The following ANGPT1 variants were observed in gnomAD, a reference collection of about 807,000 sequenced individuals.
ANGPT1 encodes angiopoietin 1.
In ANGPT1, 17 loss-of-function variants were observed where a neutral mutation model predicts 62.2. The ratio of observed to expected loss-of-function variants is 0.27; its 90% CI spans 0.19 to 0.41. The LOEUF (loss-of-function observed/expected upper bound fraction) is 0.41, where lower values mean the gene tolerates loss of function less well. ANGPT1 is among the 10% of genes least tolerant of loss of function. The pLI, the probability that ANGPT1 is intolerant of heterozygous loss-of-function variation, is 1.00. For missense variants in ANGPT1, 478 were observed against 594.9 expected (o/e 0.80, Z 2.04); for synonymous variants, 199 against 198.9 (o/e 1.00, Z 0.00).
chr8:107,495,735 C>A (rs1813075383), intron 1 of ANGPT1, among the ~76,000 whole-genome samples: 1 of 152,040 alleles, frequency 6.6e-6, no homozygotes. Flanking sequence ...CATTTGTTTA[C>A]AATGGAAATA....
intron 1 of ANGPT1, among the ~76,000 whole-genome samples, chr8:107,354,484 G>A (rs1380792890): frequency 6.6e-5 from 10 of 152,072 alleles, no homozygotes; most frequent in Non-Finnish European, 1.3e-4. Context: ...GACTCATGAA[G>A]CTCTCAAACT....
chr8:107,450,023 T>A (rs1361382914), intron 1 of ANGPT1, among the ~76,000 whole-genome samples: 1 of 152,034 alleles, frequency 6.6e-6, no homozygotes, highest in East Asian at 1.9e-4. Flanking sequence ...ACTGTTTGAA[T>A]CTTTAAAATA....
intron 7 of ANGPT1, among the ~76,000 whole-genome samples, chr8:107,275,312 C>A (rs1219440888): frequency 6.6e-6 from 1 of 152,084 alleles, no homozygotes; most frequent in Admixed American, 6.6e-5. Context: ...CTCATTATTA[C>A]CCCCTTACGC....
intron 1 of ANGPT1, among the ~76,000 whole-genome samples, chr8:107,475,135 T>A (rs191147925): frequency 6.6e-6 from 1 of 152,326 alleles, no homozygotes; most frequent in Admixed American, 6.5e-5. Flanking sequence ...AAGACAATCC[T>A]AAGCCAAAAG....
intron 1 of ANGPT1, among the ~76,000 whole-genome samples, chr8:107,452,490 ATTTTTTTATTTTTAT>A (rs1167373610): frequency 6.6e-6 from 1 of 150,666 alleles, no homozygotes; most frequent in African/African-American, 2.4e-5. Context: ...CTTTATTTTT[ATTTTTTTATTTTTAT>A]TTTTTTTGAA....
chr8:107,354,916 C>CT (rs780289972), intron 1 of ANGPT1, among the ~76,000 whole-genome samples: 3,733 of 135,864 alleles, frequency 0.027, 97 homozygotes, highest in African/African-American at 0.064. Flanking sequence ...GATGGTGTTG[C>CT]TTTTTTTTTT....
intron 8 of ANGPT1, among the ~76,000 whole-genome samples, chr8:107,257,876 G>GTTTTTTGTT (rs1371396961): frequency 7.0e-5 from 6 of 85,288 alleles, no homozygotes; most frequent in African/African-American, 2.3e-4. Flanking sequence ...ACTTGTTTTT[G>GTTTTTTGTT]TTTCTTTTTT....
chr8:107,380,702 C>T (rs1816620270), intron 1 of ANGPT1, among the ~76,000 whole-genome samples: 1 of 152,010 alleles, frequency 6.6e-6, no homozygotes, highest in Non-Finnish European at 1.5e-5. Flanking sequence ...AAAAATGGAC[C>T]TATTGCTTTC....
intron 7 of ANGPT1, among the ~76,000 whole-genome samples, chr8:107,276,758 C>T (rs1287799224): frequency 6.6e-6 from 1 of 152,086 alleles, no homozygotes; most frequent in Non-Finnish European, 1.5e-5. Context: ...ACTGCAAATC[C>T]AAGTCTAGAG....
intron 1 of ANGPT1, among the ~76,000 whole-genome samples, chr8:107,414,370 G>T (rs979256315): frequency 1.1e-4 from 16 of 152,134 alleles, no homozygotes; most frequent in Admixed American, 2.0e-4. Flanking sequence ...ATTATTTGAG[G>T]TGATGCCTAT....
chr8:107,407,113 C>T (rs1817164475), intron 1 of ANGPT1, among the ~76,000 whole-genome samples: 1 of 152,112 alleles, frequency 6.6e-6, no homozygotes, highest in Non-Finnish European at 1.5e-5. Flanking sequence ...TCCACAATGA[C>T]GCTTCCACAG....
intron 8 of ANGPT1, among the ~76,000 whole-genome samples, chr8:107,257,848 A>C (rs796114302): frequency 2.3e-5 from 3 of 128,554 alleles, no homozygotes; most frequent in African/African-American, 8.6e-5. Flanking sequence ...CTCTTAATAT[A>C]TCCTCTTCAG....
intron 2 of ANGPT1, 45 bp downstream of exon 2, chr8:107,346,897 A>G: frequency 6.5e-7 from 1 of 1,537,382 alleles, no homozygotes; most frequent in Non-Finnish European, 8.8e-7. Context: ...AAGAAAAAAA[A>G]AATTTTTCCT....
chr8:107,417,827 C>T (rs145103252), intron 1 of ANGPT1, among the ~76,000 whole-genome samples: 166 of 152,242 alleles, frequency 1.1e-3, no homozygotes, highest in African/African-American at 3.4e-3. Flanking sequence ...GATACTTAAA[C>T]GTAAGGCATT....
intron 4 of ANGPT1, among the ~76,000 whole-genome samples, chr8:107,311,016 TGTGA>T (rs1007925661): frequency 6.0e-5 from 9 of 151,096 alleles, no homozygotes; most frequent in Admixed American, 1.3e-4. Context: ...TGTGTATGTA[TGTGA>T]GTGTGTGTGA....
chr8:107,415,557 A>G lies in ANGPT1; in HGVS notation c.298-68460T>C, dbSNP rs140173563. Among the ~76,000 whole-genome samples, 1,505 of 152,284 alleles carry G rather than the reference A, an allele frequency of 9.9e-3. 18 individuals are homozygous for G. Among genetic ancestry groups the G allele is most frequent in the African/African-American group, 0.033 (1,373 of 41,568 alleles). ...AACCTCACTCAAATAGATATCAAGT[A>G]TCTCTTATATCCTGTTACATGATGT... On this transcript the variant is annotated intron_variant, in intron 1 of 8. Transcript: ENST00000517746.
intron 1 of ANGPT1, among the ~76,000 whole-genome samples, chr8:107,438,917 A>G (rs1811402466): frequency 6.6e-6 from 1 of 152,158 alleles, no homozygotes; most frequent in Non-Finnish European, 1.5e-5. Flanking sequence ...AACAAAATGT[A>G]TTTTTTAATG....
intron 1 of ANGPT1, among the ~76,000 whole-genome samples, chr8:107,380,854 C>T (rs914611164): frequency 2.0e-5 from 3 of 152,082 alleles, no homozygotes; most frequent in Non-Finnish European, 2.9e-5. Flanking sequence ...TTAAAGGACC[C>T]CACCACTCTC....
chr8:107,278,802 C>T (rs1278636552), intron 7 of ANGPT1, among the ~76,000 whole-genome samples: 1 of 152,222 alleles, frequency 6.6e-6, no homozygotes, highest in African/African-American at 2.4e-5. Flanking sequence ...GGAACTACAG[C>T]AAGGCAACAA....
Sources: gnomAD v4.1 joint callset for allele counts (sites outside exome capture counted in the v4.1 genomes callset) on GRCh38, gnomAD v4.1.1 for gene constraint, MANE v1.5 for transcripts, NCBI Gene and HGNC (gene_info 2026-07-23, HGNC 2026-07-21) for gene names.